FRAS1: variants seen among roughly 807,000 people sequenced by gnomAD.
FRAS1 encodes the protein Fraser extracellular matrix complex subunit 1, also known as extracellular matrix organizing protein FRAS1.
In FRAS1, 290 loss-of-function variants were observed where a neutral mutation model predicts 435.2. That is an observed-to-expected ratio of 0.67 (90% CI 0.61 to 0.73). The LOEUF (loss-of-function observed/expected upper bound fraction) is 0.73, where lower values mean the gene tolerates loss of function less well. FRAS1 is among the 30% of genes least tolerant of loss of function. The pLI, the probability that FRAS1 is intolerant of heterozygous loss-of-function variation, is 0.00. For synonymous variants in FRAS1, 1,800 were observed against 1,851.0 expected (o/e 0.97, Z 0.71); for missense variants, 4,860 against 5,001.5 (o/e 0.97, Z 0.85).
intron 29 of FRAS1, among the ~76,000 whole-genome samples, chr4:78,399,629 C>T (rs1164714362): frequency 6.6e-6 from 1 of 152,164 alleles, no homozygotes; most frequent in African/African-American, 2.4e-5. Context: ...TGATTCCTTC[C>T]AGCCAGCTAC....
At chr4:78,345,831 A>G (rs1730585278) in intron 20 of FRAS1, among the ~76,000 whole-genome samples, 1 of 151,424 alleles carries the variant, frequency 6.6e-6, no homozygotes, top group African/African-American at 2.4e-5. Context: ...AAAAAAGAAC[A>G]TGACCTATGC....
intron 2 of FRAS1, among the ~76,000 whole-genome samples, chr4:78,147,103 C>T (rs899444417): frequency 6.6e-6 from 1 of 152,056 alleles, no homozygotes; most frequent in African/African-American, 2.4e-5. Context: ...CAGCTGTTGC[C>T]CTGTCTTATA....
chr4:78,171,852 A>G (rs1163755335), intron 2 of FRAS1, among the ~76,000 whole-genome samples: 3 of 152,026 alleles, frequency 2.0e-5, no homozygotes, highest in African/African-American at 7.2e-5. Flanking sequence ...ACTTCAATAC[A>G]GGCTCGTTGA....
At chr4:78,527,354 T>C (rs982027494) in intron 70 of FRAS1, among the ~76,000 whole-genome samples, 9 of 148,602 alleles carry the variant, frequency 6.1e-5, no homozygotes, top group Non-Finnish European at 5.9e-5. Context: ...TCATATTTAT[T>C]CAGCTCTTCT....
intron 2 of FRAS1, among the ~76,000 whole-genome samples, chr4:78,184,712 A>G (rs1358270576): frequency 1.5e-4 from 23 of 152,214 alleles, no homozygotes; most frequent in Non-Finnish European, 1.0e-4. Flanking sequence ...TTGTGGACCC[A>G]GGTGCTGTTT....
At chr4:78,075,270 A>T (rs1740581386) in intron 2 of FRAS1, among the ~76,000 whole-genome samples, 1 of 152,150 alleles carries the variant, frequency 6.6e-6, no homozygotes, top group African/African-American at 2.4e-5. Flanking sequence ...TGCTGCAACC[A>T]TTAGAATACC....
At chr4:78,480,066 C>A (rs1024927825) in intron 56 of FRAS1, among the ~76,000 whole-genome samples, 46 of 152,212 alleles carry the variant, frequency 3.0e-4, no homozygotes, top group Middle Eastern at 3.4e-3. Context: ...AAGCATTTAT[C>A]CTTTGTGTTA....
chr4:78,305,764 A>G (rs148335307), intron 14 of FRAS1, among the ~76,000 whole-genome samples: 41,179 of 150,618 alleles, frequency 0.27, 6,308 homozygotes, highest in Admixed American at 0.35. Context: ...GTCTCTGCAC[A>G]TGAGATGGGT....
intron 18 of FRAS1, among the ~76,000 whole-genome samples, chr4:78,327,327 T>C (rs1445746272): frequency 4.6e-5 from 7 of 152,236 alleles, no homozygotes; most frequent in Admixed American, 2.6e-4. Flanking sequence ...GATTTTGATA[T>C]CTACATCATA....
chr4:78,082,281 A>T (rs1430278556), intron 2 of FRAS1, among the ~76,000 whole-genome samples: 1 of 152,074 alleles, frequency 6.6e-6, no homozygotes, highest in Non-Finnish European at 1.5e-5. Flanking sequence ...CAGTTTTCCT[A>T]TGGAATTTAT....
At chr4:78,123,346 T>C (rs1719140301) in intron 2 of FRAS1, among the ~76,000 whole-genome samples, 1 of 152,214 alleles carries the variant, frequency 6.6e-6, no homozygotes, top group South Asian at 2.1e-4. Context: ...GTATCTGTTT[T>C]GGTACCAGTA....
chr4:78,165,753 G>A (rs1056416519), intron 2 of FRAS1, among the ~76,000 whole-genome samples: 7 of 152,166 alleles, frequency 4.6e-5, no homozygotes, highest in African/African-American at 1.7e-4. Flanking sequence ...ATGTCTAGGA[G>A]ATGACTGGCT....
At chr4:78,236,506 A>G (rs975509) in intron 2 of FRAS1, among the ~76,000 whole-genome samples, 144,745 of 152,152 alleles carry the variant, frequency 0.95, 69,257 homozygotes, top group East Asian at 1. Context: ...AAATTTAGCC[A>G]AACAGTATGG....
chr4:78,395,659 T>C (rs1431150510), intron 29 of FRAS1, among the ~76,000 whole-genome samples: 1 of 152,054 alleles, frequency 6.6e-6, no homozygotes, highest in Admixed American at 6.6e-5. Context: ...TTTTGCCTGA[T>C]ATAAATATAG....
intron 64 of FRAS1, among the ~76,000 whole-genome samples, chr4:78,512,612 A>G (rs1721074732): frequency 6.6e-6 from 1 of 152,250 alleles, no homozygotes; most frequent in Non-Finnish European, 1.5e-5. Context: ...TGTGCCCTGG[A>G]GAAACAAAAG....
chr4:78,185,023 G>A (rs1722214495), intron 2 of FRAS1, among the ~76,000 whole-genome samples: 1 of 152,152 alleles, frequency 6.6e-6, no homozygotes, highest in South Asian at 2.1e-4. Flanking sequence ...AGTAAGTGGT[G>A]CCCTTGGGTC....
At position 78,236,059 on chromosome 4, in the gene FRAS1, C is replaced by T. The variant is rs767997659; in HGVS notation, c.109-1451C>T. 5.9e-5 allele frequency among the ~76,000 whole-genome samples: 9 copies of T among 152,288 alleles called. 1 individual carries two copies. In the South Asian group the frequency reaches 6.2e-4, roughly 11 times the overall value. On this transcript the variant is annotated intron_variant, in intron 2 of 73. Transcript: ENST00000512123. The stretch of plus-strand genomic sequence containing the variant: ...GTTAAAGGTTAGGAATGATTCATCT[C>T]TGAGGTGCTGAGACTTAGAAGAAGC...
intron 2 of FRAS1, among the ~76,000 whole-genome samples, chr4:78,151,124 A>T (rs369452938): frequency 6.6e-6 from 1 of 152,208 alleles, no homozygotes; most frequent in Non-Finnish European, 1.5e-5. Flanking sequence ...ATGATTAATC[A>T]GTTTTTCTAA....
chr4:78,446,212 AC>A, intron 42 of FRAS1: 1 of 997,530 alleles, frequency 1.0e-6, no homozygotes, highest in South Asian at 4.6e-5. Context: ...AGAATGAAAT[AC>A]CCTCTGCCTT....
Sources: gnomAD v4.1 joint callset for allele counts (sites outside exome capture counted in the v4.1 genomes callset) on GRCh38, gnomAD v4.1.1 for gene constraint, MANE v1.5 for transcripts, NCBI Gene and HGNC (gene_info 2026-07-23, HGNC 2026-07-21) for gene names.